Variants in PCDH15 observed in about 807,000 individuals in gnomAD.
The protein encoded by PCDH15 is protocadherin-15.
PCDH15 carries 129 observed loss-of-function variants against 178.5 expected under a neutral mutation model. The observed-to-expected ratio is 0.72, with a 90% CI of 0.63 to 0.84. The LOEUF is 0.84. PCDH15 is among the 40% of genes least tolerant of loss of function. PCDH15 has a pLI of 0.00. For synonymous variants in PCDH15, 800 were observed against 732.0 expected, an observed-to-expected ratio of 1.09 and a Z score of -1.50; for missense variants, 2,230 against 2,099.9, an observed-to-expected ratio of 1.06 and a Z score of -1.21.
At chr10:54,597,546 C>G (rs1056732477) in intron 2 of PCDH15, among the ~76,000 whole-genome samples, 13 of 151,386 alleles carry the variant, frequency 8.6e-5, no homozygotes, top group African/African-American at 2.7e-4. Flanking sequence ...GCTACAGAAG[C>G]AAGAGAAAAA....
chr10:54,567,860 C>G (rs1057276836), intron 2 of PCDH15, among the ~76,000 whole-genome samples: 1 of 152,102 alleles, frequency 6.6e-6, no homozygotes, highest in Non-Finnish European at 1.5e-5. Context: ...TCATAGAAGG[C>G]CTTCCTGCTG....
chr10:55,451,421 C>G (rs1839432886), intron 2 of PCDH15, among the ~76,000 whole-genome samples: 1 of 152,118 alleles, frequency 6.6e-6, no homozygotes, highest in Non-Finnish European at 1.5e-5. Flanking sequence ...TCCCTTGAAC[C>G]TGGGAGGTGG....
At chr10:53,895,372 C>G (rs1376978896) in intron 26 of PCDH15, among the ~76,000 whole-genome samples, 6 of 152,116 alleles carry the variant, frequency 3.9e-5, no homozygotes. Flanking sequence ...AGTGTTAAGT[C>G]TTTTTTCTTG....
intron 23 of PCDH15, among the ~76,000 whole-genome samples, chr10:53,956,421 T>C (rs1474213143): frequency 6.6e-6 from 1 of 152,178 alleles, no homozygotes; most frequent in Non-Finnish European, 1.5e-5. Flanking sequence ...TCTTTATAGT[T>C]CAGTTAAAAT....
intron 2 of PCDH15, among the ~76,000 whole-genome samples, chr10:54,613,334 C>T (rs1453556287): frequency 6.6e-6 from 1 of 151,816 alleles, no homozygotes; most frequent in Non-Finnish European, 1.5e-5. Context: ...AAAAGAAAGA[C>T]AATTGTTCAG....
chr10:55,494,497 T>A (rs1194577577), intron 2 of PCDH15, among the ~76,000 whole-genome samples: 1 of 151,770 alleles, frequency 6.6e-6, no homozygotes, highest in Non-Finnish European at 1.5e-5. Context: ...TTATTCTTTT[T>A]GAATTTTTCC....
At chr10:55,263,751 T>G (rs897414746) in intron 1 of PCDH15, among the ~76,000 whole-genome samples, 1 of 152,178 alleles carries the variant, frequency 6.6e-6, no homozygotes, top group Non-Finnish European at 1.5e-5. Flanking sequence ...TTTTATTTTT[T>G]TGAGACGGAG....
At position 54,488,426 on chromosome 10, in the gene PCDH15, T is replaced by G. The variant is rs189860526; in HGVS notation, c.157+39386A>C. The stretch of plus-strand genomic sequence containing the variant: ...CTTAGGGCCGTGTTTGAAAATGTCT[T>G]AATGTTTGCCTTTTTAAGGTATGGT... On this transcript the variant is annotated intron_variant, in intron 3 of 37. Coordinates refer to ENST00000644397, the MANE Select transcript of PCDH15 (RefSeq NM_001384140.1). Among the ~76,000 whole-genome samples the G allele has an allele frequency of 5.9e-5, 9 of 151,842 alleles. No individual in the cohort carries two copies. In the East Asian group the frequency reaches 1.7e-3, roughly 29 times the overall value.
intron 16 of PCDH15, among the ~76,000 whole-genome samples, chr10:54,080,814 G>C (rs545259164): frequency 1.3e-5 from 2 of 152,266 alleles, no homozygotes; most frequent in East Asian, 3.9e-4. Flanking sequence ...CAACAATTAA[G>C]TTTGGACCAG....
chr10:55,405,854 T>C (rs919960902), intron 2 of PCDH15, among the ~76,000 whole-genome samples: 3 of 151,968 alleles, frequency 2.0e-5, no homozygotes, highest in African/African-American at 7.3e-5. Flanking sequence ...AAGAAAGTTA[T>C]TTTTAATGTT....
At chr10:55,584,983 C>G (rs1032646381) in intron 2 of PCDH15, among the ~76,000 whole-genome samples, 3 of 149,970 alleles carry the variant, frequency 2.0e-5, no homozygotes, top group African/African-American at 7.3e-5. Flanking sequence ...TTAAGTAAAC[C>G]CTTCTTGCTC....
At chr10:55,622,312 A>G (rs1485157776) in intron 2 of PCDH15, among the ~76,000 whole-genome samples, 1 of 151,190 alleles carries the variant, frequency 6.6e-6, no homozygotes, top group Non-Finnish European at 1.5e-5. Flanking sequence ...CCTGGCCCAC[A>G]GTTAAATATC....
chr10:54,020,145 T>A, intron 20 of PCDH15, 47 bp downstream of exon 20: 2 of 1,524,438 alleles, frequency 1.3e-6, no homozygotes, highest in Non-Finnish European at 1.8e-6. Context: ...AAAACCTACA[T>A]GTAGAGAGAG....
At chr10:55,305,630 G>A (rs1843402483) in intron 1 of PCDH15, among the ~76,000 whole-genome samples, 1 of 152,138 alleles carries the variant, frequency 6.6e-6, no homozygotes, top group Admixed American at 6.5e-5. Context: ...GGACAAATAG[G>A]CACTGCAAAA....
rs761143020 is a variant in PCDH15, at chr10:53,806,899, A to C, written c.4903T>G (p.Phe1635Val). Residue 1635 changes from phenylalanine to valine, a missense_variant, in exon 38 of 38, where the codon TTT (phenylalanine) becomes GTT (valine). Physicochemically the swap from Phe to Val is conservative, Grantham distance 50. Coordinates refer to ENST00000644397, the MANE Select transcript of PCDH15 (RefSeq NM_001384140.1). ...ACTGCCAACTTGTCTAGTTTCTTAA[A>C]GGGCCCTCCCAGTCGAACAGGGGAA... ...VASPVRLGGP[F>V]KKLDKLAVTH... 1.2e-6 allele frequency: 2 copies of C among 1,613,926 alleles called. No individual in the cohort carries two copies. Among genetic ancestry groups the C allele is most frequent in the Non-Finnish European group, 1.7e-6 (2 of 1,179,840 alleles).
intron 9 of PCDH15, among the ~76,000 whole-genome samples, chr10:54,224,582 C>T (rs1284783670): frequency 6.6e-6 from 1 of 151,938 alleles, no homozygotes; most frequent in African/African-American, 2.4e-5. Flanking sequence ...TATTCCATTC[C>T]TCTGACATTA....
At chr10:53,882,190 G>A (rs892748114) in intron 26 of PCDH15, among the ~76,000 whole-genome samples, 18 of 152,060 alleles carry the variant, frequency 1.2e-4, no homozygotes, top group African/African-American at 4.1e-4. Flanking sequence ...AGACTTGCTG[G>A]CTCCTTGCTT....
At chr10:55,340,854 T>C (rs1170475722) in intron 2 of PCDH15, among the ~76,000 whole-genome samples, 2 of 152,096 alleles carry the variant, frequency 1.3e-5, no homozygotes, top group African/African-American at 2.4e-5. Flanking sequence ...TTGTGCCTAA[T>C]AATTAAAGGC....
chr10:54,826,869 A>C (rs1953140426), intron 3 of PCDH15, among the ~76,000 whole-genome samples: 1 of 152,092 alleles, frequency 6.6e-6, no homozygotes, highest in Non-Finnish European at 1.5e-5. Flanking sequence ...GAAGGTATCA[A>C]AAATTGTTCC....
Sources: allele counts gnomAD v4.1 joint callset (sites outside exome capture counted in the v4.1 genomes callset), GRCh38; gene constraint gnomAD v4.1.1; transcripts MANE v1.5; gene names NCBI Gene and HGNC (gene_info 2026-07-23, HGNC 2026-07-21).